PDZD8: variants seen among roughly 807,000 people sequenced by gnomAD.
PDZD8 encodes PDZ domain-containing protein 8.
In PDZD8, 14 loss-of-function variants were observed where a neutral mutation model predicts 85.8. That is an observed-to-expected ratio of 0.16 (90% CI 0.11 to 0.26). The LOEUF (loss-of-function observed/expected upper bound fraction) is 0.26, where lower values mean the gene tolerates loss of function less well. PDZD8 is among the 10% of genes least tolerant of loss of function. PDZD8 has a pLI of 1.00. For missense variants in PDZD8, 1,197 were observed against 1,424.3 expected (o/e 0.84, Z 2.57); for synonymous variants, 592 against 568.6 (o/e 1.04, Z -0.59).
intron 2 of PDZD8, among the ~76,000 whole-genome samples, chr10:117,322,473 C>A (rs550661295): frequency 6.6e-6 from 1 of 152,228 alleles, no homozygotes; most frequent in African/African-American, 2.4e-5. Context: ...AGGCACTTGA[C>A]TTTTGGATTT....
chr10:117,333,117 C>CAAA (rs752527474), intron 2 of PDZD8, among the ~76,000 whole-genome samples: 31 of 7,256 alleles, frequency 4.3e-3, no homozygotes, highest in African/African-American at 7.2e-3. Flanking sequence ...GACTCTGTCT[C>CAAA]AAAAAAAAAA....
At chr10:117,319,718 G>A (rs977598347) in intron 2 of PDZD8, among the ~76,000 whole-genome samples, 5 of 151,940 alleles carry the variant, frequency 3.3e-5, no homozygotes, top group African/African-American at 9.7e-5. Flanking sequence ...GTCCAGTCAC[G>A]AGATTATATA....
intron 1 of PDZD8, among the ~76,000 whole-genome samples, chr10:117,348,862 G>C (rs768429009): frequency 2.4e-4 from 36 of 152,230 alleles, no homozygotes; most frequent in Non-Finnish European, 4.3e-4. Flanking sequence ...TAACTGACTT[G>C]ATTACCACCC....
intron 1 of PDZD8, among the ~76,000 whole-genome samples, chr10:117,367,797 T>C (rs900113415): frequency 2.0e-5 from 3 of 151,438 alleles, no homozygotes; most frequent in Non-Finnish European, 2.9e-5. Flanking sequence ...AGCTGGGCAT[T>C]GTGGCACACG....
chr10:117,374,806 T>G lies in PDZD8; in HGVS notation c.422A>C (p.Glu141Ala). 1 of 1,613,054 alleles carries G rather than the reference T, an allele frequency of 6.2e-7. No homozygotes were observed. Among genetic ancestry groups the G allele is most frequent in the Non-Finnish European group, 8.5e-7 (1 of 1,179,806 alleles). Residue 141 changes from glutamate to alanine, a missense_variant, in exon 1 of 5, where the codon GAG (glutamate) becomes GCG (alanine). Physicochemically the swap from Glu to Ala is moderately radical, Grantham distance 107. This residue lies in a region of PDZD8 where 344 missense variants were observed against 453.6 expected (regional missense o/e 0.76). Transcript: ENST00000334464. The surrounding 1 kb of genome is among the most constrained non-coding windows in gnomAD (Gnocchi z 7.8). ...LQTKTAGRLL[E>A]GLSLRDVFLG... ...GAACACGTCCCGCAGGCTCAGCCCCTCCAGCAGGCGCCCGGCCGTCTTGGT... is the reference window on the plus strand; with the variant it reads ...GAACACGTCCCGCAGGCTCAGCCCCGCCAGCAGGCGCCCGGCCGTCTTGGT...
rs2133860059 is a variant in PDZD8, at chr10:117,349,171, C to G, written c.873-8069G>C. On this transcript the variant is annotated intron_variant, in intron 1 of 4. Coordinates refer to ENST00000334464, the MANE Select transcript of PDZD8 (RefSeq NM_173791.5). ...CAAGAGGGCAACGATGTCCTAAACC[C>G]AGATGACTGGTGTGTGGCAAGCCAA... is the stretch of plus-strand genomic sequence containing the variant. Among the ~76,000 whole-genome samples the G allele has an allele frequency of 2.0e-5, 3 of 152,268 alleles. No homozygotes were observed. The South Asian group carries it at 6.2e-4, about 32-fold the overall frequency.
rs562106311 is a variant in PDZD8, at chr10:117,297,772, A to G, written c.1099-7424T>C. On this transcript the variant is annotated intron_variant, in intron 3 of 4. Coordinates refer to ENST00000334464, the MANE Select transcript of PDZD8 (RefSeq NM_173791.5). ...GGATGAGGTGATAAAATTATTCTCT[A>G]TCTTGATGAAGGTAGAGGTTACATG... 3.9e-5 allele frequency among the ~76,000 whole-genome samples: 6 copies of G among 152,260 alleles called. No homozygotes were observed. In the East Asian group the frequency reaches 7.7e-4, roughly 20 times the overall value.
chr10:117,364,944 TAAG>T (rs1845062181), intron 1 of PDZD8, among the ~76,000 whole-genome samples: 1 of 151,256 alleles, frequency 6.6e-6, no homozygotes, highest in Non-Finnish European at 1.5e-5. Flanking sequence ...GGGAAGAAGG[TAAG>T]AAGAGGAAGA....
At position 117,290,337 on chromosome 10, in the gene PDZD8, T is replaced by C. The variant is rs754445771; in HGVS notation, c.1110A>G (p.Ile370Met). Residue 370 changes from isoleucine (I) to methionine (M), a missense_variant, in exon 4 of 5, where the codon ATA (isoleucine) becomes ATG (methionine). This residue lies in a region of PDZD8 where 344 missense variants were observed against 453.6 expected (regional missense o/e 0.76). Coordinates refer to ENST00000334464, the MANE Select transcript of PDZD8 (RefSeq NM_173791.5). ...QRSSIKTVEL[I>M]KGNLQSVGLT... is the part of the protein sequence containing the mutation. ...GTCCAACACTTTGTAAATTTCCTTT[T>C]ATTAATTCAACCTTTGATAAAGGGG... 1.2e-5 allele frequency: 19 copies of C among 1,599,790 alleles called. No homozygotes were observed. The highest frequency in any genetic ancestry group is 1.7e-4 in the Middle Eastern group (1 of 6,010).
intron 2 of PDZD8, among the ~76,000 whole-genome samples, chr10:117,336,634 T>TA (rs555617283): frequency 0.034 from 4,848 of 140,792 alleles, 84 homozygotes; most frequent in South Asian, 0.041. Flanking sequence ...TAATGAAGTC[T>TA]AAAAAAAAAA....
intron 3 of PDZD8, among the ~76,000 whole-genome samples, chr10:117,305,507 CACACACACAT>C (rs1654479179): frequency 9.3e-6 from 1 of 107,556 alleles, no homozygotes; most frequent in Non-Finnish European, 2.1e-5. Flanking sequence ...CACACACACA[CACACACACAT>C]ATATGGAGAG....
In PDZD8 at chr10:117,285,048, T is replaced by A; in HGVS notation, c.1685A>T (p.Asn562Ile). The change falls in exon 5 of 5, where the codon AAT becomes ATT. Residue 562 changes from asparagine (N) to isoleucine (I), a missense_variant. Coordinates refer to ENST00000334464, the MANE Select transcript of PDZD8 (RefSeq NM_173791.5). ...AGAAGTTTTTAGGGGTGGAGGTTTATTTCCATCTTTGGACTGAATTTTCGG... is the reference window on the plus strand; with the variant it reads ...AGAAGTTTTTAGGGGTGGAGGTTTAATTCCATCTTTGGACTGAATTTTCGG... Reference protein sequence around the residue: ...LPPKIQSKDGNKPPPLKTSEI... With the variant: ...LPPKIQSKDGIKPPPLKTSEI... The A allele has an allele frequency of 6.2e-7, 1 of 1,614,010 alleles. No homozygotes were observed.
chr10:117,325,575 G>A (rs1001096450), intron 2 of PDZD8, among the ~76,000 whole-genome samples: 1 of 151,510 alleles, frequency 6.6e-6, no homozygotes, highest in Non-Finnish European at 1.5e-5. Context: ...GCTAATTTTT[G>A]TATGTTTAGC....
At chr10:117,337,296 C>A (rs1256306689) in intron 2 of PDZD8, among the ~76,000 whole-genome samples, 1 of 152,050 alleles carries the variant, frequency 6.6e-6, no homozygotes, top group Non-Finnish European at 1.5e-5. Flanking sequence ...TAAAAATAAT[C>A]ATCTTAACAA....
intron 1 of PDZD8, among the ~76,000 whole-genome samples, chr10:117,352,700 A>T (rs1051103075): frequency 2.0e-5 from 3 of 152,186 alleles, no homozygotes; most frequent in Non-Finnish European, 2.9e-5. Context: ...TTAAACTACA[A>T]GGTATTGTAA....
chr10:117,298,585 T>C (rs937478602), intron 3 of PDZD8, among the ~76,000 whole-genome samples: 2 of 152,272 alleles, frequency 1.3e-5, no homozygotes, highest in East Asian at 1.9e-4. Flanking sequence ...ATATTTCTTA[T>C]TTATCAACTA....
intron 2 of PDZD8, among the ~76,000 whole-genome samples, chr10:117,328,272 C>T (rs1414648846): frequency 1.3e-5 from 2 of 152,136 alleles, no homozygotes; most frequent in African/African-American, 4.8e-5. Context: ...GCTTCTTGTG[C>T]CTGCTTTTGA....
In PDZD8 at chr10:117,278,185, G is replaced by A. The variant is rs2133751494; in HGVS notation, c.*5083C>T. 6.6e-6 allele frequency: 1 copy of A among 152,266 alleles called. No individual in the cohort carries two copies. Among genetic ancestry groups the A allele is most frequent in the South Asian group, 2.1e-4 (1 of 4,826 alleles). The allele number at this position is 152,266 out of a possible 1,614,324, so 9.4% of individuals were successfully genotyped here. A position where few individuals can be genotyped will look rare whatever the true frequency, so the allele number is the denominator to read the frequency against. On this transcript the variant is annotated 3_prime_UTR_variant, in exon 5 of 5. Coordinates refer to ENST00000334464, the MANE Select transcript of PDZD8 (RefSeq NM_173791.5). ...AACAGCTGCTCTGACTTTAATATCT[G>A]ACTATATCTTTGATCTGTTTGCAGG...
At chr10:117,294,327 C>CAAAAAAAAAAAAAAAAA (rs71013656) in intron 3 of PDZD8, among the ~76,000 whole-genome samples, 11 of 142,540 alleles carry the variant, frequency 7.7e-5, no homozygotes, top group Admixed American at 1.4e-4. Flanking sequence ...ACCAAAAAGA[C>CAAAAAAAAAAAAAAAAA]AAAAAAAAAA....
Sources: gnomAD v4.1 joint callset for allele counts (sites outside exome capture counted in the v4.1 genomes callset) on GRCh38, gnomAD v4.1.1 for gene constraint, gnomAD v4.1.1 regional missense constraint, Gnocchi (gnomAD v3.1) non-coding constraint, MANE v1.5 for transcripts, NCBI Gene and HGNC (gene_info 2026-07-23, HGNC 2026-07-21) for gene names.